The following SCN8A variants were observed in gnomAD, a reference collection of about 807,000 sequenced individuals.
SCN8A encodes the protein sodium voltage-gated channel alpha subunit 8.
SCN8A carries 30 observed loss-of-function variants against 184.1 expected under a neutral mutation model. The ratio of observed to expected loss-of-function variants is 0.16; its 90% confidence interval spans 0.12 to 0.22. SCN8A has a LOEUF of 0.22. Among genes scored for constraint, SCN8A ranks in the 10% least tolerant of loss-of-function variants. The pLI, the probability that SCN8A is intolerant of heterozygous loss-of-function variation, is 1.00. For missense variants in SCN8A, 1,057 were observed against 2,498.9 expected, an observed-to-expected ratio of 0.42 and a Z score of 12.30; for synonymous variants, 852 against 907.0, an observed-to-expected ratio of 0.94 and a Z score of 1.09.
At position 51,765,664 on chromosome 12, in the gene SCN8A, T is replaced by TTTCTTAGCTC; in HGVS notation, c.2545-7_2545-6insTTCTTAGCTC. Reference sequence around the variant, plus strand: ...TATTTTTTTGTTTGGGTTTTTTTTTTCCTTAGCTCCGAGTCTTCAAATTGG... The same window carrying TTTCTTAGCTC: ...TATTTTTTTGTTTGGGTTTTTTTTTTTTCTTAGCTCCCTTAGCTCCGAGTCTTCAAATTGG... On this transcript the variant is annotated splice_region_variant and splice_polypyrimidine_tract_variant and intron_variant, in intron 15 of 26. Coordinates refer to ENST00000627620, the MANE Select transcript of SCN8A (RefSeq NM_001330260.2). The TTTCTTAGCTC allele has an allele frequency of 2.6e-6, 4 of 1,511,186 alleles. No homozygotes were observed. Among genetic ancestry groups the TTTCTTAGCTC allele is most frequent in the East Asian group, 2.3e-5 (1 of 43,696 alleles). 93.6% of individuals were successfully genotyped at this position (1,511,186 alleles called of 1,614,324 possible).
intron 2 of SCN8A, among the ~76,000 whole-genome samples, chr12:51,679,545 C>T (rs920651573): frequency 6.6e-6 from 1 of 152,146 alleles, no homozygotes; most frequent in African/African-American, 2.4e-5. Context: ...GTTGTTTTAA[C>T]AGACACTGTA....
chr12:51,788,057 T>C (rs996978206), intron 22 of SCN8A, among the ~76,000 whole-genome samples: 32 of 152,148 alleles, frequency 2.1e-4, no homozygotes, highest in African/African-American at 6.8e-4. Flanking sequence ...CCTTAGAATC[T>C]GGTTGAGTAC....
chr12:51,633,247 A>G (rs914919844), intron 1 of SCN8A, among the ~76,000 whole-genome samples: 2 of 152,206 alleles, frequency 1.3e-5, no homozygotes, highest in African/African-American at 4.8e-5. Flanking sequence ...GCATACTCAT[A>G]TATACACATA....
At chr12:51,670,446 G>A (rs1941110972) in intron 2 of SCN8A, among the ~76,000 whole-genome samples, 3 of 152,248 alleles carry the variant, frequency 2.0e-5, no homozygotes, top group South Asian at 2.1e-4. Flanking sequence ...AAAAATCCAG[G>A]TCATCTAATT....
rs537924586 is a variant in SCN8A, at chr12:51,805,401, T to C, written c.4796-881T>C. ...GCATTCAAGACCAGCCCGGGCAACA[T>C]AGCAAGACCCCCATCTCTACAAAAT... On this transcript the variant is annotated intron_variant, in intron 26 of 26. Coordinates refer to ENST00000627620, the MANE Select transcript of SCN8A (RefSeq NM_001330260.2). Among the ~76,000 whole-genome samples the C allele has an allele frequency of 3.3e-5, 5 of 152,088 alleles. No homozygotes were observed. The South Asian group carries it at 8.3e-4, about 25-fold the overall frequency.
At chr12:51,749,831 C>T (rs932434832) in intron 13 of SCN8A, among the ~76,000 whole-genome samples, 2 of 151,526 alleles carry the variant, frequency 1.3e-5, no homozygotes, top group Non-Finnish European at 2.9e-5. Flanking sequence ...TTTTTTTTTT[C>T]CTTAAATGAT....
chr12:51,712,951 C>G, intron 11 of SCN8A: 1 of 1,594,420 alleles, frequency 6.3e-7, no homozygotes, highest in Non-Finnish European at 8.6e-7. Flanking sequence ...ATTGCCAGAT[C>G]CACCTCCACG....
At chr12:51,661,454 A>G (rs1238880665) in intron 1 of SCN8A, among the ~76,000 whole-genome samples, 1 of 152,172 alleles carries the variant, frequency 6.6e-6, no homozygotes, top group Non-Finnish European at 1.5e-5. Context: ...ACTGCTCCAG[A>G]GATCTGGAAT....
intron 20 of SCN8A, among the ~76,000 whole-genome samples, chr12:51,779,433 C>A (rs2138888917): frequency 6.6e-6 from 1 of 152,250 alleles, no homozygotes; most frequent in East Asian, 1.9e-4. Context: ...TCTGGCAGAG[C>A]AGGAAAGTGT....
chr12:51,748,113 C>T (rs1942541982), intron 13 of SCN8A, among the ~76,000 whole-genome samples: 2 of 152,154 alleles, frequency 1.3e-5, no homozygotes, highest in Admixed American at 6.5e-5. Context: ...ACCGGAATCA[C>T]GTAAGAGGGA....
chr12:51,608,636 C>G (rs1939651137), intron 1 of SCN8A, among the ~76,000 whole-genome samples: 1 of 152,156 alleles, frequency 6.6e-6, no homozygotes, highest in Non-Finnish European at 1.5e-5. Flanking sequence ...CTCCTCTCTT[C>G]TAGGCTAATC....
At chr12:51,767,891 C>T (rs1293678212) in intron 16 of SCN8A, among the ~76,000 whole-genome samples, 1 of 152,220 alleles carries the variant, frequency 6.6e-6, no homozygotes, top group Non-Finnish European at 1.5e-5. Flanking sequence ...CTCCTTTACT[C>T]AAGAACCAGT....
chr12:51,671,906 G>A (rs1490084232), intron 2 of SCN8A, among the ~76,000 whole-genome samples: 1 of 152,152 alleles, frequency 6.6e-6, no homozygotes, highest in East Asian at 1.9e-4. Flanking sequence ...TGTTGAGCCT[G>A]CAAAGTTTGG....
chr12:51,655,378 T>G (rs1285242427), intron 1 of SCN8A, among the ~76,000 whole-genome samples: 1 of 151,922 alleles, frequency 6.6e-6, no homozygotes, highest in East Asian at 1.9e-4. Flanking sequence ...GGTCTTTTTT[T>G]TTTTTCTTTT....
At chr12:51,631,370 A>C (rs192891917) in intron 1 of SCN8A, among the ~76,000 whole-genome samples, 3 of 152,322 alleles carry the variant, frequency 2.0e-5, no homozygotes, top group Admixed American at 2.0e-4. Flanking sequence ...GGAACAAGAG[A>C]AAACCTTACT....
chr12:51,676,751 C>G (rs1372100589), intron 2 of SCN8A, among the ~76,000 whole-genome samples: 9 of 152,172 alleles, frequency 5.9e-5, no homozygotes, highest in Non-Finnish European at 1.5e-5. Flanking sequence ...CAGATAGACT[C>G]AAAGGTTCCC....
At chr12:51,659,498 G>A (rs1360950647) in intron 1 of SCN8A, among the ~76,000 whole-genome samples, 1 of 152,158 alleles carries the variant, frequency 6.6e-6, no homozygotes, top group Non-Finnish European at 1.5e-5. Flanking sequence ...AGTTACCAGC[G>A]CAGGTGTTCT....
chr12:51,758,878 AG>A (rs1473809003), intron 14 of SCN8A, among the ~76,000 whole-genome samples: 2 of 152,130 alleles, frequency 1.3e-5, no homozygotes, highest in African/African-American at 4.8e-5. Flanking sequence ...CTCTTATCCA[AG>A]GGGGATACAT....
At chr12:51,667,981 T>C (rs4237902) in intron 2 of SCN8A, among the ~76,000 whole-genome samples, 123,331 of 151,836 alleles carry the variant, frequency 0.81, 51,053 homozygotes, top group East Asian at 0.99. Flanking sequence ...GTCGGGAGTT[T>C]GAGACCAGCC....
Sources: gnomAD v4.1 joint callset for allele counts (sites outside exome capture counted in the v4.1 genomes callset) on GRCh38, gnomAD v4.1.1 for gene constraint, MANE v1.5 for transcripts, NCBI Gene and HGNC (gene_info 2026-07-23, HGNC 2026-07-21) for gene names.